CADM2: variants seen among roughly 807,000 people sequenced by gnomAD.
CADM2 encodes the protein cell adhesion molecule 2.
A neutral mutation model predicts 49.8 loss-of-function variants in CADM2; 12 were observed. The ratio of observed to expected loss-of-function variants is 0.24; its 90% CI spans 0.15 to 0.39. The LOEUF is 0.39. CADM2 is among the 10% of genes least tolerant of loss of function. The pLI, the probability that CADM2 is intolerant of heterozygous loss-of-function variation, is 1.00. For synonymous variants in CADM2, 214 were observed against 175.4 expected, an observed-to-expected ratio of 1.22 and a Z score of -1.74; for missense variants, 378 against 492.3, an observed-to-expected ratio of 0.77 and a Z score of 2.20.
chr3:85,508,837 A>ATGTGTG (rs10524905), intron 1 of CADM2, among the ~76,000 whole-genome samples: 2 of 149,928 alleles, frequency 1.3e-5, no homozygotes, highest in African/African-American at 2.5e-5. Context: ...CTGTGTGTGT[A>ATGTGTG]TGTGTGTGTG....
intron 1 of CADM2, among the ~76,000 whole-genome samples, chr3:85,601,715 T>C (rs2063412507): frequency 6.6e-6 from 1 of 151,648 alleles, no homozygotes; most frequent in African/African-American, 2.4e-5. Flanking sequence ...CCCATATCCC[T>C]ATGCTAATTC....
rs114776202 is a variant in CADM2 at position 85,818,564 on chromosome 3, T to C, written c.238+16368T>C. ...TACTCTCTCAGTAGTTCAAATAGTG[T>C]TTTGTAACTTCTTTATCAACTCATT... On this transcript the variant is annotated intron_variant, in intron 3 of 9. Coordinates refer to ENST00000383699, the MANE Select transcript of CADM2 (RefSeq NM_001167675.2). 2.0e-3 allele frequency among the ~76,000 whole-genome samples: 303 copies of C among 152,302 alleles called. 2 individuals carry two copies. Among genetic ancestry groups the C allele is most frequent in the African/African-American group, 7.2e-3 (300 of 41,568 alleles).
At chr3:85,817,927 T>G (rs1377302269) in intron 3 of CADM2, among the ~76,000 whole-genome samples, 1 of 152,112 alleles carries the variant, frequency 6.6e-6, no homozygotes, top group Non-Finnish European at 1.5e-5. Flanking sequence ...GTTTTGAGAT[T>G]TTTGAAACAT....
At chr3:85,340,227 T>C (rs976221999) in intron 1 of CADM2, among the ~76,000 whole-genome samples, 1 of 151,552 alleles carries the variant, frequency 6.6e-6, no homozygotes, top group Non-Finnish European at 1.5e-5. Flanking sequence ...TATTGAATTT[T>C]CATTAACGAA....
intron 1 of CADM2, among the ~76,000 whole-genome samples, chr3:85,346,284 A>G (rs182879633): frequency 6.6e-6 from 1 of 152,348 alleles, no homozygotes; most frequent in East Asian, 1.9e-4. Context: ...ATTTGTTTTA[A>G]ATAACTTCTT....
At chr3:85,857,078 T>G (rs779760470) in intron 3 of CADM2, among the ~76,000 whole-genome samples, 3 of 152,168 alleles carry the variant, frequency 2.0e-5, no homozygotes, top group African/African-American at 7.2e-5. Context: ...CTCTTTCAGG[T>G]TGTAGACCAC....
intron 1 of CADM2, among the ~76,000 whole-genome samples, chr3:85,200,233 A>G (rs1469300928): frequency 6.6e-6 from 1 of 152,076 alleles, no homozygotes; most frequent in African/African-American, 2.4e-5. Context: ...TACATAGATT[A>G]TGGGTATGAA....
At chr3:84,999,285 A>G (rs73843256) in intron 1 of CADM2, among the ~76,000 whole-genome samples, 3,236 of 152,242 alleles carry the variant, frequency 0.021, 128 homozygotes, top group African/African-American at 0.073. Flanking sequence ...CACTCTGGTC[A>G]TAATATTTTT....
rs187693682 is a variant in CADM2, at chr3:85,262,051, T to A, written c.61+302383T>A. ...TTTCACCTTTTCTCCATTTACATCT[T>A]TGGCTGGTAACTTAAGGAACTTCTG... On this transcript the variant is annotated intron_variant, in intron 1 of 9. Coordinates refer to ENST00000383699, the MANE Select transcript of CADM2 (RefSeq NM_001167675.2). 1.2e-3 allele frequency among the ~76,000 whole-genome samples: 184 copies of A among 152,220 alleles called. 2 individuals are homozygous for A. Among genetic ancestry groups the A allele is most frequent in the Admixed American group, 8.8e-3 (134 of 15,272 alleles).
rs1468419698 is a variant in CADM2 at position 85,395,964 on chromosome 3, TATC to T, written c.62-330555_62-330553del. ...ATTATAATTTATATTATATTTAAAT[TATC>T]ATAATGATAATTTATAAAATAAATA... is the stretch of plus-strand genomic sequence containing the variant. On this transcript the variant is annotated intron_variant, in intron 1 of 9. Transcript: ENST00000383699. Among the ~76,000 whole-genome samples the T allele has an allele frequency of 1.3e-4, 19 of 148,648 alleles. No individual in the cohort carries two copies. The South Asian group carries it at 3.6e-3, about 28-fold the overall frequency.
intron 8 of CADM2, among the ~76,000 whole-genome samples, chr3:86,041,671 A>G (rs1028784162): frequency 2.6e-5 from 4 of 152,166 alleles, no homozygotes; most frequent in Admixed American, 6.5e-5. Context: ...TAGACAGATC[A>G]ACAGACAGAA....
chr3:85,543,420 A>ATGTGTGTGTGGGTGTG (rs546846641), intron 1 of CADM2, among the ~76,000 whole-genome samples: 4 of 129,584 alleles, frequency 3.1e-5, no homozygotes, highest in African/African-American at 5.6e-5. Flanking sequence ...TGCCAAGCTA[A>ATGTGTGTGTGGGTGTG]TGTGTGTGTG....
chr3:85,362,393 A>G (rs1300620331), intron 1 of CADM2, among the ~76,000 whole-genome samples: 3 of 152,194 alleles, frequency 2.0e-5, no homozygotes, highest in African/African-American at 7.2e-5. Flanking sequence ...ATAATCAAAT[A>G]ACTGTATCTG....
At chr3:85,130,197 T>C (rs1201032443) in intron 1 of CADM2, among the ~76,000 whole-genome samples, 5 of 152,210 alleles carry the variant, frequency 3.3e-5, no homozygotes, top group Non-Finnish European at 7.4e-5. Context: ...GACATCTGTG[T>C]TTAGTGCCAC....
intron 1 of CADM2, among the ~76,000 whole-genome samples, chr3:85,015,632 G>C (rs548519508): frequency 3.9e-5 from 6 of 152,266 alleles, no homozygotes; most frequent in African/African-American, 1.4e-4. Flanking sequence ...GGAAAAACAA[G>C]TATATCGGAC....
chr3:85,529,313 C>T (rs62252497), intron 1 of CADM2, among the ~76,000 whole-genome samples: 78,090 of 151,978 alleles, frequency 0.51, 23,099 homozygotes, highest in East Asian at 0.85. Context: ...TTGACATCTT[C>T]ATGCTTCTGT....
chr3:85,249,089 T>C (rs929328609), intron 1 of CADM2, among the ~76,000 whole-genome samples: 2 of 152,150 alleles, frequency 1.3e-5, no homozygotes, highest in Non-Finnish European at 2.9e-5. Context: ...TGAATATCTC[T>C]TCCTAAACTA....
chr3:85,439,364 G>T (rs2037084740), intron 1 of CADM2, among the ~76,000 whole-genome samples: 1 of 151,856 alleles, frequency 6.6e-6, no homozygotes, highest in African/African-American at 2.4e-5. Flanking sequence ...TGTTGTCCAG[G>T]CTGGTCTCGG....
chr3:85,225,373 G>T (rs2042134886), intron 1 of CADM2, among the ~76,000 whole-genome samples: 2 of 152,112 alleles, frequency 1.3e-5, no homozygotes, highest in Admixed American at 6.6e-5. Context: ...ATTGTGAATG[G>T]GAGTTCACTC....
Sources: gnomAD v4.1 joint callset for allele counts (sites outside exome capture counted in the v4.1 genomes callset) on GRCh38, gnomAD v4.1.1 for gene constraint, MANE v1.5 for transcripts, NCBI Gene and HGNC (gene_info 2026-07-23, HGNC 2026-07-21) for gene names.